FAM184B: variants seen among roughly 807,000 people sequenced by gnomAD.
FAM184B encodes the protein protein FAM184B.
Under a neutral mutation model 135.9 loss-of-function variants are expected in FAM184B, and 111 were observed. The ratio of observed to expected loss-of-function variants is 0.82; its 90% CI spans 0.70 to 0.96. The LOEUF is 0.96. Ranked by LOEUF, FAM184B falls within the 40% of genes least tolerant of loss-of-function variation. FAM184B has a pLI of 0.00. For missense variants in FAM184B, 1,375 were observed against 1,323.9 expected (o/e 1.04, Z -0.60); for synonymous variants, 552 against 524.8 (o/e 1.05, Z -0.71).
At chr4:17,657,046 A>G (rs1027770260) in intron 10 of FAM184B, among the ~76,000 whole-genome samples, 2 of 152,196 alleles carry the variant, frequency 1.3e-5, no homozygotes, top group Admixed American at 6.5e-5. Context: ...AGTATACTTC[A>G]TATTTTCCTT....
intron 13 of FAM184B, among the ~76,000 whole-genome samples, chr4:17,639,974 G>A (rs570351862): frequency 6.6e-6 from 1 of 151,690 alleles, no homozygotes; most frequent in Non-Finnish European, 1.5e-5. Flanking sequence ...GATTACAGGC[G>A]CCCAGCACCA....
At chr4:17,703,668 C>T (rs1717037479) in intron 5 of FAM184B, among the ~76,000 whole-genome samples, 1 of 152,122 alleles carries the variant, frequency 6.6e-6, no homozygotes, top group South Asian at 2.1e-4. Flanking sequence ...CATGGTGGCT[C>T]ACGCCTGTAA....
At position 17,632,579 on chromosome 4, in the gene FAM184B, G is replaced by A. The variant is rs748892604; in HGVS notation, c.3136C>T (p.Gln1046Ter). Reference sequence around the variant, plus strand: ...AACCATTCCTGGTGCGGAGAGCCCTGTTTCTGCTGGACTTCTTTGGCTTGG... The same window carrying A: ...AACCATTCCTGGTGCGGAGAGCCCTATTTCTGCTGGACTTCTTTGGCTTGG... ...TAQAKEVQQKQGSPHQEWFTK... is the reference protein window; with the variant it reads ...TAQAKEVQQK Residue 1046 changes from glutamine (Q) to a stop codon, truncating the protein, a stop_gained, in exon 18 of 18, where the codon CAG becomes TAG. Transcript: ENST00000265018. LOFTEE classifies it high-confidence loss of function. 1.3e-6 allele frequency: 2 copies of A among 1,551,378 alleles called. No homozygotes were observed. Among genetic ancestry groups the A allele is most frequent in the South Asian group, 1.2e-5 (1 of 84,060 alleles).
Position 17,630,779 on chromosome 4 carries a change from CTTTT to C in FAM184B, c.*1749_*1752del, listed in dbSNP as rs57987403. The C allele has an allele frequency of 6.7e-6, 1 of 148,476 alleles. No individual in the cohort carries two copies. The highest frequency in any genetic ancestry group is 1.5e-5 in the Non-Finnish European group (1 of 67,042). The allele number at this position is 148,476 out of a possible 1,614,324, so 9.2% of individuals were successfully genotyped here. A position where few individuals can be genotyped will look rare whatever the true frequency, so the allele number is the denominator to read the frequency against. On this transcript the variant is annotated 3_prime_UTR_variant, in exon 18 of 18. Coordinates refer to ENST00000265018, the MANE Select transcript of FAM184B (RefSeq NM_015688.2). ...AAGTTTGACAGTTATATGTAATCAG[CTTTT>C]TTTTTTTTAAGATGGTGTGATTGAG...
chr4:17,744,990 G>A (rs188449294), intron 1 of FAM184B, among the ~76,000 whole-genome samples: 7 of 152,286 alleles, frequency 4.6e-5, no homozygotes, highest in African/African-American at 1.2e-4. Flanking sequence ...CTCTTCAGCC[G>A]GAGCTGCTGC....
intron 12 of FAM184B, among the ~76,000 whole-genome samples, chr4:17,643,135 C>A (rs1715371795): frequency 1.3e-5 from 2 of 152,184 alleles, no homozygotes; most frequent in African/African-American, 4.8e-5. Flanking sequence ...TGGGGACAAT[C>A]CTTGACCAAT....
intron 15 of FAM184B, among the ~76,000 whole-genome samples, chr4:17,635,819 T>A (rs1715108123): frequency 6.6e-6 from 1 of 152,204 alleles, no homozygotes; most frequent in East Asian, 1.9e-4. Context: ...CAGGCCTTGG[T>A]TGGATACTGA....
chr4:17,648,278 T>C (rs76977586), intron 11 of FAM184B, among the ~76,000 whole-genome samples: 2,729 of 152,166 alleles, frequency 0.018, 78 homozygotes, highest in African/African-American at 0.062. Flanking sequence ...CAGGAAATTA[T>C]CAAATGACCG....
chr4:17,675,069 T>G (rs1716281336), intron 7 of FAM184B, among the ~76,000 whole-genome samples: 1 of 152,204 alleles, frequency 6.6e-6, no homozygotes, highest in Admixed American at 6.5e-5. Flanking sequence ...TCCAGAAGGT[T>G]TTCAATGGGC....
intron 10 of FAM184B, 70 bp downstream of exon 10, chr4:17,658,280 G>A (rs1577250000): frequency 2.2e-6 from 3 of 1,343,192 alleles, no homozygotes; most frequent in East Asian, 2.5e-5. Flanking sequence ...GAAAAGGGAC[G>A]GCTTTGTGCA....
rs1306826305 is a variant in FAM184B at position 17,631,541 on chromosome 4, C to T, written c.*991G>A. 6.6e-6 allele frequency: 1 copy of T among 152,224 alleles called. No individual in the cohort carries two copies. The highest frequency in any genetic ancestry group is 1.5e-5 in the Non-Finnish European group (1 of 68,040). The allele number at this position is 152,224 out of a possible 1,614,324, so 9.4% of individuals were successfully genotyped here. A position where few individuals can be genotyped will look rare whatever the true frequency, so the allele number is the denominator to read the frequency against. On this transcript the variant is annotated 3_prime_UTR_variant, in exon 18 of 18. Transcript: ENST00000265018. ...TCATGTTGGCACTATGGTCATTACA[C>T]TGAGACCTATAACTGGGCTAGGATT...
intron 11 of FAM184B, among the ~76,000 whole-genome samples, chr4:17,650,288 G>C (rs1207328833): frequency 6.6e-6 from 1 of 152,038 alleles, no homozygotes; most frequent in Non-Finnish European, 1.5e-5. Context: ...TTGCAGGTCA[G>C]TTGTGTCTCA....
At chr4:17,730,986 A>C (rs1220738301) in intron 1 of FAM184B, among the ~76,000 whole-genome samples, 5 of 152,240 alleles carry the variant, frequency 3.3e-5, no homozygotes, top group African/African-American at 4.8e-5. Flanking sequence ...AAAGGGTATC[A>C]GTAATGGAAG....
intron 7 of FAM184B, among the ~76,000 whole-genome samples, chr4:17,671,206 T>C (rs181180336): frequency 6.4e-4 from 98 of 152,190 alleles, no homozygotes; most frequent in African/African-American, 2.3e-3. Flanking sequence ...AAGTACCATA[T>C]GATCATGAAG....
At chr4:17,762,969 G>A (rs1319101517) in intron 1 of FAM184B, among the ~76,000 whole-genome samples, 1 of 152,120 alleles carries the variant, frequency 6.6e-6, no homozygotes, top group East Asian at 1.9e-4. Flanking sequence ...CATTGCCCTG[G>A]CCTACACAGC....
chr4:17,687,872 C>G (rs984389417), intron 7 of FAM184B, among the ~76,000 whole-genome samples: 1 of 152,172 alleles, frequency 6.6e-6, no homozygotes, highest in African/African-American at 2.4e-5. Flanking sequence ...AGTACATTTC[C>G]ATGGCTGAAG....
At chr4:17,744,395 C>A (rs80151965) in intron 1 of FAM184B, among the ~76,000 whole-genome samples, 1 of 151,540 alleles carries the variant, frequency 6.6e-6, no homozygotes, top group Non-Finnish European at 1.5e-5. Context: ...GCTGAAGGCG[C>A]GAGGCAGGCC....
chr4:17,646,482 A>G (rs1316622720), intron 12 of FAM184B, among the ~76,000 whole-genome samples: 1 of 152,200 alleles, frequency 6.6e-6, no homozygotes, highest in Non-Finnish European at 1.5e-5. Context: ...TCAGAAGGAC[A>G]AAAAACCAAA....
At chr4:17,720,637 C>T (rs1332490152) in intron 1 of FAM184B, among the ~76,000 whole-genome samples, 1 of 151,812 alleles carries the variant, frequency 6.6e-6, no homozygotes, top group Admixed American at 6.6e-5. Context: ...TCTGTAATCC[C>T]AGCACTTTGG....
Sources: gnomAD v4.1 joint callset for allele counts (sites outside exome capture counted in the v4.1 genomes callset) on GRCh38, gnomAD v4.1.1 for gene constraint, MANE v1.5 for transcripts, NCBI Gene and HGNC (gene_info 2026-07-23, HGNC 2026-07-21) for gene names.